Variants in HHIPL1 observed in about 807,000 individuals in gnomAD.
HHIPL1 encodes the protein HHIP-like protein 1.
HHIPL1 carries 43 observed loss-of-function variants against 61.8 expected under a neutral mutation model. That is an observed-to-expected ratio of 0.70 (90% CI 0.55 to 0.90). The LOEUF is 0.90. Among genes scored for constraint, HHIPL1 ranks in the 40% least tolerant of loss-of-function variants. The pLI is 0.00. For synonymous variants in HHIPL1, 482 were observed against 515.8 expected (o/e 0.93, Z 0.89); for missense variants, 1,056 against 1,157.7 (o/e 0.91, Z 1.28).
Position 99,659,688 on chromosome 14 carries a change from A to G in HHIPL1, c.1307A>G (p.Asn436Ser). 6.6e-7 allele frequency: 1 copy of G among 1,525,160 alleles called. No individual in the cohort carries two copies. Among genetic ancestry groups the G allele is most frequent in the Non-Finnish European group, 8.8e-7 (1 of 1,141,466 alleles). 94.5% of individuals were successfully genotyped at this position (1,525,160 alleles called of 1,614,324 possible). A position where few individuals can be genotyped will look rare whatever the true frequency, so the allele number is the denominator to read the frequency against. Reference protein sequence around the residue: ...EEVDVVERGGNYGWRAREGFE... With the variant: ...EEVDVVERGGSYGWRAREGFE... ...GTGGACGTGGTGGAGCGCGGCGGCA[A>G]CTATGGCTGGCGCGCGCGCGAAGGG... is the stretch of plus-strand genomic sequence containing the variant. The change falls in exon 4 of 9, where the codon AAC becomes AGC. Residue 436 changes from asparagine (N) to serine (S), a missense_variant. Transcript: ENST00000330710.
At chr14:99,667,795 C>T (rs760297432) in intron 6 of HHIPL1, among the ~76,000 whole-genome samples, 1 of 152,254 alleles carries the variant, frequency 6.6e-6, no homozygotes, top group Non-Finnish European at 1.5e-5. Context: ...GATGAGGAAG[C>T]TGAGGCTCAG....
chr14:99,629,782 C>T, the HHIPL1 span, among the ~76,000 whole-genome samples: 7 of 152,172 alleles, frequency 4.6e-5, no homozygotes, highest in Non-Finnish European at 7.4e-5. Context: ...GGATTACAGG[C>T]GTAAGCCACC....
the HHIPL1 span, among the ~76,000 whole-genome samples, chr14:99,606,991 C>A: frequency 2.0e-5 from 3 of 149,450 alleles, no homozygotes; most frequent in Non-Finnish European, 4.4e-5. Flanking sequence ...CCAACAGAAC[C>A]AGGATCCCAA....
the HHIPL1 span, among the ~76,000 whole-genome samples, chr14:99,639,571 T>C: frequency 2.0e-5 from 3 of 152,198 alleles, no homozygotes; most frequent in Non-Finnish European, 4.4e-5. Flanking sequence ...GGTCTTGAAC[T>C]CCTGGGCTCA....
the HHIPL1 span, among the ~76,000 whole-genome samples, chr14:99,635,456 G>T: frequency 6.6e-6 from 1 of 152,140 alleles, no homozygotes; most frequent in Admixed American, 6.5e-5. Flanking sequence ...TCCAGGAAAG[G>T]AAAGTGACCC....
At chr14:99,637,432 C>T in the HHIPL1 span, among the ~76,000 whole-genome samples, 2 of 151,838 alleles carry the variant, frequency 1.3e-5, no homozygotes, top group Non-Finnish European at 1.5e-5. Flanking sequence ...ATCAGCTGGG[C>T]GTGATGGCGG....
chr14:99,672,274 G>A (rs1292819588), intron 7 of HHIPL1, 43 bp from the exon 8 acceptor site: 4 of 1,511,458 alleles, frequency 2.6e-6, no homozygotes, highest in Non-Finnish European at 3.6e-6. Flanking sequence ...CTCAGGGTGG[G>A]CTCCCAGGGT....
the HHIPL1 span, among the ~76,000 whole-genome samples, chr14:99,614,133 T>C: frequency 3.9e-5 from 6 of 152,034 alleles, no homozygotes; most frequent in African/African-American, 1.5e-4. Flanking sequence ...AATAGGACCA[T>C]TTCATCCTCC....
the HHIPL1 span, among the ~76,000 whole-genome samples, chr14:99,612,431 C>CAGA: frequency 4.6e-5 from 7 of 152,114 alleles, no homozygotes; most frequent in Admixed American, 3.3e-4. Context: ...GAATAAAACC[C>CAGA]AGAAGAAGAA....
chr14:99,643,650 T>A (rs1388170975), upstream of HHIPL1, among the ~76,000 whole-genome samples: 1 of 152,222 alleles, frequency 6.6e-6, no homozygotes, highest in Non-Finnish European at 1.5e-5. Context: ...GATTCCATCC[T>A]GGCTCTGCCT....
the HHIPL1 span, among the ~76,000 whole-genome samples, chr14:99,607,497 G>C: frequency 3.9e-5 from 6 of 151,990 alleles, no homozygotes; most frequent in African/African-American, 7.3e-5. Context: ...TGTTCATTTA[G>C]AGCCACACAC....
chr14:99,607,180 C>T, the HHIPL1 span, among the ~76,000 whole-genome samples: 1 of 151,894 alleles, frequency 6.6e-6, no homozygotes, highest in African/African-American at 2.4e-5. Flanking sequence ...CCACAGGCAC[C>T]ACCATGCCTG....
chr14:99,617,719 C>T, the HHIPL1 span, among the ~76,000 whole-genome samples: 1 of 152,146 alleles, frequency 6.6e-6, no homozygotes, highest in Middle Eastern at 3.2e-3. Context: ...CTGATGGAAG[C>T]CCCCAGACCA....
In HHIPL1 at chr14:99,675,086, C is replaced by T. The variant is rs768155726; in HGVS notation, c.1814-5C>T. On this transcript the variant is annotated splice_polypyrimidine_tract_variant and splice_region_variant and intron_variant, in intron 8 of 8. Transcript: ENST00000330710. This position sits in a 1 kb window ranked among gnomAD's most constrained non-coding sequence, Gnocchi z 5.4. ...CCTCTGACGGCATACTCTTCCTCTG[C>T]GCAGAGTTCATCCCGAAGACACGGA... 6.2e-5 allele frequency: 72 copies of T among 1,164,566 alleles called. No homozygotes were observed. The highest frequency in any genetic ancestry group is 7.2e-5 in the Non-Finnish European group (67 of 932,816). The allele number at this position is 1,164,566 out of a possible 1,614,324, so 72.1% of individuals were successfully genotyped here.
At chr14:99,670,164 C>T (rs529552617) in intron 7 of HHIPL1, among the ~76,000 whole-genome samples, 3 of 150,604 alleles carry the variant, frequency 2.0e-5, no homozygotes, top group Non-Finnish European at 4.4e-5. Context: ...CAGGCTGGAG[C>T]GCAGTAGCAT....
intron 2 of HHIPL1, among the ~76,000 whole-genome samples, chr14:99,656,232 C>T (rs1345880481): frequency 4.6e-5 from 7 of 152,196 alleles, no homozygotes; most frequent in African/African-American, 1.4e-4. Context: ...TCGACAATTT[C>T]CCATAATCAT....
rs2056375440 is a variant in HHIPL1 at position 99,675,290 on chromosome 14, C to T, written c.2013C>T (p.Gly671=). 5 of 1,283,026 alleles carry T rather than the reference C, an allele frequency of 3.9e-6. No individual in the cohort carries two copies. Among genetic ancestry groups the T allele is most frequent in the Non-Finnish European group, 3.0e-6 (3 of 1,015,766 alleles). The allele number at this position is 1,283,026 out of a possible 1,614,324, so 79.5% of individuals were successfully genotyped here. ...CGGCGAGCCGGGCGTTCCGGGATGGCGAGGTGCGCCTGGTGCGGCCCGCGG... is the reference window on the plus strand; with the variant it reads ...CGGCGAGCCGGGCGTTCCGGGATGGTGAGGTGCGCCTGGTGCGGCCCGCGG... The part of the protein sequence containing the change: ...LNSASRAFRD[G]EVRLVRPAGL... The change falls in exon 9 of 9, where the codon GGC becomes GGT. Residue 671 remains glycine, a synonymous_variant. Coordinates refer to ENST00000330710, the MANE Select transcript of HHIPL1 (RefSeq NM_001127258.3). This position sits in a 1 kb window ranked among gnomAD's most constrained non-coding sequence, Gnocchi z 5.4.
At chr14:99,637,176 G>GAA in the HHIPL1 span, among the ~76,000 whole-genome samples, 31 of 118,984 alleles carry the variant, frequency 2.6e-4, 1 homozygote, top group South Asian at 1.5e-3. Context: ...GAAAAAGAAA[G>GAA]AAAGAAAGAA....
At position 99,662,960 on chromosome 14, in the gene HHIPL1, G is replaced by T. The variant is rs761620346; in HGVS notation, c.1587G>T (p.Glu529Asp). 3.1e-6 allele frequency: 5 copies of T among 1,613,882 alleles called. No homozygotes were observed. The highest frequency in any genetic ancestry group is 4.2e-6 in the Non-Finnish European group (5 of 1,179,944). Residue 529 changes from glutamate (E) to aspartate (D), a missense_variant, in exon 6 of 9, where the codon GAG becomes GAT. By Grantham distance (45) the Glu-to-Asp change is conservative (BLOSUM62 2). Transcript: ENST00000330710. ...EICMGHGQTC[E>D]FPGLINNYYP... ...GCATGGGCCACGGCCAGACCTGTGA[G>T]TTCCCAGGCCTCATCAACAACTACT...
Sources: allele counts gnomAD v4.1 joint callset (sites outside exome capture counted in the v4.1 genomes callset), GRCh38; gene constraint gnomAD v4.1.1; non-coding constraint Gnocchi (gnomAD v3.1); transcripts MANE v1.5; gene names NCBI Gene and HGNC (gene_info 2026-07-23, HGNC 2026-07-21).